TBC1D22A: variants seen among roughly 807,000 people sequenced by gnomAD.
The protein encoded by TBC1D22A is TBC1 domain family member 22A, also known as putative GTPase activator.
Under a neutral mutation model 60.2 loss-of-function variants are expected in TBC1D22A, and 38 were observed. That is an observed-to-expected ratio of 0.63 (90% CI 0.49 to 0.83). The LOEUF (loss-of-function observed/expected upper bound fraction) is 0.83, where lower values mean the gene tolerates loss of function less well. Among genes scored for constraint, TBC1D22A ranks in the 40% least tolerant of loss-of-function variants. The pLI, the probability that TBC1D22A is intolerant of heterozygous loss-of-function variation, is 0.00. For synonymous variants in TBC1D22A, 302 were observed against 281.7 expected, an observed-to-expected ratio of 1.07 and a Z score of -0.72; for missense variants, 628 against 701.0, an observed-to-expected ratio of 0.90 and a Z score of 1.18.
At chr22:47,016,401 A>C (rs571779626) in intron 10 of TBC1D22A, among the ~76,000 whole-genome samples, 1 of 152,194 alleles carries the variant, frequency 6.6e-6, no homozygotes, top group Admixed American at 6.5e-5. Context: ...CCCCCAAGGA[A>C]CCCTCATGTG....
intron 8 of TBC1D22A, among the ~76,000 whole-genome samples, chr22:46,955,614 T>C (rs1027014485): frequency 6.6e-6 from 1 of 152,190 alleles, no homozygotes; most frequent in African/African-American, 2.4e-5. Flanking sequence ...TGTTACAAAG[T>C]AGGAAACACA....
At chr22:46,831,410 C>T (rs1051755587) in intron 4 of TBC1D22A, among the ~76,000 whole-genome samples, 1 of 152,200 alleles carries the variant, frequency 6.6e-6, no homozygotes, top group Non-Finnish European at 1.5e-5. Context: ...GAGCCTGAAC[C>T]TGCAGTAACT....
At chr22:46,827,962 A>G (rs942968771) in intron 4 of TBC1D22A, among the ~76,000 whole-genome samples, 2 of 152,134 alleles carry the variant, frequency 1.3e-5, no homozygotes, top group African/African-American at 4.8e-5. Context: ...CCCTAACACA[A>G]TCTCAAGTGT....
At chr22:46,948,539 G>A (rs1252945351) in intron 8 of TBC1D22A, among the ~76,000 whole-genome samples, 2 of 152,278 alleles carry the variant, frequency 1.3e-5, no homozygotes, top group African/African-American at 2.4e-5. Context: ...TTCTCACTCC[G>A]GGTGTGTATT....
chr22:47,015,948 C>T lies in TBC1D22A; in HGVS notation c.1201+18239C>T, dbSNP rs558313293. Among the ~76,000 whole-genome samples the T allele has an allele frequency of 1.8e-4, 27 of 152,302 alleles. No homozygotes were observed. The East Asian group carries it at 5.2e-3, about 29-fold the overall frequency. On this transcript the variant is annotated intron_variant, in intron 10 of 12. Coordinates refer to ENST00000337137, the MANE Select transcript of TBC1D22A (RefSeq NM_014346.5). ...GCCTCTGCTTATCTGCCACTCAGGC[C>T]CCTGCAGCCCCCTACCTGGTCTCCT... is the stretch of plus-strand genomic sequence containing the variant.
chr22:46,763,757 G>A (rs1307707303), intron 1 of TBC1D22A: 1 of 152,198 alleles, frequency 6.6e-6, no homozygotes, highest in African/African-American at 2.4e-5. Context: ...TATTGTTTGA[G>A]TGTTTGAATG....
At chr22:47,101,809 G>A (rs1211880752) in intron 11 of TBC1D22A, among the ~76,000 whole-genome samples, 1 of 152,174 alleles carries the variant, frequency 6.6e-6, no homozygotes, top group Non-Finnish European at 1.5e-5. Context: ...GGGAGATGGG[G>A]AGCCTCTGAC....
intron 11 of TBC1D22A, among the ~76,000 whole-genome samples, chr22:47,076,805 T>A (rs1190048230): frequency 6.6e-6 from 1 of 151,932 alleles, no homozygotes; most frequent in African/African-American, 2.4e-5. Flanking sequence ...AAGAATATCA[T>A]CTCCCTGTGA....
At chr22:47,035,819 C>T (rs984688581) in intron 10 of TBC1D22A, among the ~76,000 whole-genome samples, 1 of 152,154 alleles carries the variant, frequency 6.6e-6, no homozygotes, top group African/African-American at 2.4e-5. Context: ...AAGTCCAGGC[C>T]GGCACCCGCA....
At chr22:46,877,494 T>C (rs1020940068) in intron 4 of TBC1D22A, among the ~76,000 whole-genome samples, 1 of 152,218 alleles carries the variant, frequency 6.6e-6, no homozygotes, top group Non-Finnish European at 1.5e-5. Flanking sequence ...TGTTCAGATA[T>C]GAGGTTCCTG....
intron 8 of TBC1D22A, among the ~76,000 whole-genome samples, chr22:46,944,467 T>C (rs1024943139): frequency 1.5e-4 from 23 of 152,310 alleles, no homozygotes; most frequent in East Asian, 7.7e-4. Flanking sequence ...GGCGCAATCT[T>C]GGCTCACTGC....
chr22:46,970,109 A>G (rs2073987049), intron 8 of TBC1D22A, among the ~76,000 whole-genome samples: 1 of 150,920 alleles, frequency 6.6e-6, no homozygotes, highest in Admixed American at 6.6e-5. Flanking sequence ...TGAATTACCC[A>G]CCTCCTGGAA....
chr22:46,763,743 ATAT>A (rs1200014893), intron 1 of TBC1D22A: 2 of 152,166 alleles, frequency 1.3e-5, no homozygotes, highest in Non-Finnish European at 2.9e-5. Context: ...TTCATAATAA[ATAT>A]TATTGTTTGA....
chr22:47,125,509 A>G (rs1367444829), intron 12 of TBC1D22A, among the ~76,000 whole-genome samples: 1 of 152,194 alleles, frequency 6.6e-6, no homozygotes, highest in Non-Finnish European at 1.5e-5. Context: ...GAAGGTTCAA[A>G]TCATTTCTGG....
At chr22:46,890,083 C>T (rs539351065) in intron 5 of TBC1D22A, among the ~76,000 whole-genome samples, 68 of 152,354 alleles carry the variant, frequency 4.5e-4, no homozygotes, top group African/African-American at 1.6e-3. Flanking sequence ...CGGTGGCCCA[C>T]GCCTGTAATC....
chr22:46,874,451 C>A (rs1434266066), intron 4 of TBC1D22A, among the ~76,000 whole-genome samples: 2 of 150,880 alleles, frequency 1.3e-5, no homozygotes, highest in Admixed American at 6.6e-5. Context: ...CATTAATAAT[C>A]ACAATTCTGA....
chr22:47,088,454 A>G (rs1282468167), intron 11 of TBC1D22A, among the ~76,000 whole-genome samples: 1 of 152,230 alleles, frequency 6.6e-6, no homozygotes, highest in Non-Finnish European at 1.5e-5. Flanking sequence ...GTTTATTAGA[A>G]CATACCAAGA....
intron 10 of TBC1D22A, among the ~76,000 whole-genome samples, chr22:47,020,847 A>C (rs2062061605): frequency 1.4e-5 from 2 of 146,622 alleles, no homozygotes; most frequent in Admixed American, 6.8e-5. Context: ...TAATTATATA[A>C]TTACAGGATT....
Position 46,915,068 on chromosome 22 carries a change from T to A in TBC1D22A, c.1015+2880T>A, listed in dbSNP as rs1169773356. The A allele has an allele frequency of 2.7e-5, 7 of 255,552 alleles. 1 individual carries two copies. Among genetic ancestry groups the A allele is most frequent in the Non-Finnish European group, 4.7e-5 (6 of 127,618 alleles). The allele number at this position is 255,552 out of a possible 1,614,324, so 15.8% of individuals were successfully genotyped here. ...CAAGGTGCAGTGACAAGTAGTGGCA[T>A]TGGGAGGAAGGGCAGGGCGGCTTGG... On this transcript the variant is annotated intron_variant, in intron 8 of 12. Transcript: ENST00000337137.
Sources: gnomAD v4.1 joint callset for allele counts (sites outside exome capture counted in the v4.1 genomes callset) on GRCh38, gnomAD v4.1.1 for gene constraint, MANE v1.5 for transcripts, NCBI Gene and HGNC (gene_info 2026-07-23, HGNC 2026-07-21) for gene names.